Variants in CHL1 observed in about 807,000 individuals in gnomAD.
CHL1 encodes the protein cell adhesion molecule L1 like.
CHL1 carries 96 observed loss-of-function variants against 141.9 expected under a neutral mutation model. The observed-to-expected ratio is 0.68, with a 90% CI of 0.57 to 0.80. CHL1 has a LOEUF of 0.80. CHL1 is among the 30% of genes least tolerant of loss of function. The probability of loss-of-function intolerance (pLI) is 0.00; values close to 1 mark genes in which losing one functional copy is unlikely to be tolerated. For missense variants in CHL1, 1,820 were observed against 1,457.2 expected, an observed-to-expected ratio of 1.25 and a Z score of -4.05; for synonymous variants, 613 against 502.2, an observed-to-expected ratio of 1.22 and a Z score of -2.95.
chr3:335,042 C>G (rs1321827514), intron 5 of CHL1, among the ~76,000 whole-genome samples: 3 of 152,134 alleles, frequency 2.0e-5, no homozygotes, highest in Non-Finnish European at 4.4e-5. Context: ...TTAATGAAAA[C>G]TAATTAGAAA....
chr3:371,050 G>T (rs959820359), intron 15 of CHL1, among the ~76,000 whole-genome samples: 7 of 152,132 alleles, frequency 4.6e-5, no homozygotes, highest in Admixed American at 4.6e-4. Flanking sequence ...GAATAAGGGT[G>T]ATGTGGTGCT....
In CHL1 at chr3:405,560, A is replaced by C. The variant is rs770545745; in HGVS notation, c.3524A>C (p.Glu1175Ala). 2.5e-6 allele frequency: 4 copies of C among 1,613,394 alleles called. No homozygotes were observed. ...CTTAATAGGGATATGCAGCCTACTG[A>C]AAGTGCTGACAGCTTAGTCGAATAC... ...RSLNRDMQPT[E>A]SADSLVEYGE... The change falls in exon 28 of 28, where the codon GAA (glutamate) becomes GCA (alanine). Residue 1175 changes from glutamate to alanine, a missense_variant. Physicochemically the swap from Glu to Ala is moderately radical, Grantham distance 107 (BLOSUM62 -1). Coordinates refer to ENST00000256509, the MANE Select transcript of CHL1 (RefSeq NM_006614.4).
At position 341,958 on chromosome 3, in the gene CHL1, G is replaced by T. The variant is rs1702376753; in HGVS notation, c.555G>T (p.Lys185Asn). The change falls in exon 7 of 28, where the codon AAG becomes AAT. Residue 185 changes from lysine (K) to asparagine (N), a missense_variant. By Grantham distance (94) the Lys-to-Asn change is moderately conservative (BLOSUM62 0). Coordinates refer to ENST00000256509, the MANE Select transcript of CHL1 (RefSeq NM_006614.4). Reference sequence around the variant, plus strand: ...ATGAAAGAGTATACATGAGCCAAAAGGGAGATCTATACTTCGCAAACGTGG... The same window carrying T: ...ATGAAAGAGTATACATGAGCCAAAATGGAGATCTATACTTCGCAAACGTGG... Reference protein sequence around the residue: ...EQDERVYMSQKGDLYFANVEE... With the variant: ...EQDERVYMSQNGDLYFANVEE... The T allele has an allele frequency of 6.2e-7, 1 of 1,612,976 alleles. No homozygotes were observed. Among genetic ancestry groups the T allele is most frequent in the Admixed American group, 1.7e-5 (1 of 59,920 alleles).
intron 2 of CHL1, among the ~76,000 whole-genome samples, chr3:260,495 T>C (rs1694617955): frequency 6.6e-6 from 1 of 152,148 alleles, no homozygotes. Context: ...ATTCAAACCT[T>C]GTTTCGACTA....
intron 1 of CHL1, among the ~76,000 whole-genome samples, chr3:241,330 G>T (rs182971964): frequency 8.5e-5 from 13 of 152,266 alleles, no homozygotes; most frequent in Admixed American, 5.9e-4. Flanking sequence ...CTCTTGCTGA[G>T]CATCTAATGA....
intron 2 of CHL1, among the ~76,000 whole-genome samples, chr3:270,234 C>CAA (rs35868098): frequency 2.0e-5 from 3 of 151,552 alleles, no homozygotes; most frequent in Non-Finnish European, 4.4e-5. Context: ...GAGAATTTGG[C>CAA]AAAAAATAGT....
intron 5 of CHL1, among the ~76,000 whole-genome samples, chr3:331,863 G>GTAAC (rs1327883911): frequency 6.6e-6 from 1 of 152,116 alleles, no homozygotes; most frequent in Non-Finnish European, 1.5e-5. Flanking sequence ...CAGACCTATT[G>GTAAC]TAACCCTAGT....
chr3:310,431 G>A (rs1699663012), intron 2 of CHL1, among the ~76,000 whole-genome samples: 1 of 152,128 alleles, frequency 6.6e-6, no homozygotes, highest in Non-Finnish European at 1.5e-5. Flanking sequence ...AGGTGGGAGT[G>A]AGTGATGAAA....
intron 18 of CHL1, among the ~76,000 whole-genome samples, chr3:383,127 G>A (rs558013415): frequency 6.6e-6 from 1 of 152,248 alleles, no homozygotes; most frequent in African/African-American, 2.4e-5. Context: ...GATCATCAAT[G>A]TGGTCATAGC....
rs1444099019 is a variant in CHL1 at position 391,576 on chromosome 3, T to A, written c.2792-99T>A. 3 of 759,514 alleles carry A rather than the reference T, an allele frequency of 3.9e-6. No homozygotes were observed. In the African/African-American group the frequency reaches 5.4e-5, roughly 14 times the overall value. 47.0% of individuals were successfully genotyped at this position (759,514 alleles called of 1,614,324 possible). Reference sequence around the variant, plus strand: ...GTAGTTAATTAATATTTACTTCAGATGAGTTTGCTTGTCAATTTCTATAAA... The same window carrying A: ...GTAGTTAATTAATATTTACTTCAGAAGAGTTTGCTTGTCAATTTCTATAAA... On this transcript the variant is annotated intron_variant, in intron 22 of 27. Transcript: ENST00000256509.
intron 2 of CHL1, chr3:308,627 ATAT>A (rs1287096487): frequency 2.7e-5 from 4 of 149,784 alleles, no homozygotes; most frequent in Admixed American, 1.3e-4. Flanking sequence ...TGTTATAATA[ATAT>A]GCAATGATAT....
At position 293,780 on chromosome 3, in the gene CHL1, C is replaced by G. The variant is rs1270914171; in HGVS notation, c.-94-25903C>G. Among the ~76,000 whole-genome samples the G allele has an allele frequency of 4.0e-5, 6 of 150,848 alleles. No individual in the cohort carries two copies. The East Asian group carries it at 1.2e-3, about 30-fold the overall frequency. ...GTGTGTTAAATTGTGATTCTTAATG[C>G]TATTTTGTGGAAAGGCTGGAGAAGA... On this transcript the variant is annotated intron_variant, in intron 2 of 27. Transcript: ENST00000256509.
intron 1 of CHL1, among the ~76,000 whole-genome samples, chr3:218,868 C>T (rs563389302): frequency 1.3e-4 from 20 of 152,200 alleles, no homozygotes; most frequent in South Asian, 6.2e-4. Context: ...AAAAGTAGGC[C>T]GGGCGCACTG....
intron 1 of CHL1, among the ~76,000 whole-genome samples, chr3:199,010 A>C (rs1479964824): frequency 6.6e-6 from 1 of 152,116 alleles, no homozygotes; most frequent in African/African-American, 2.4e-5. Context: ...TCTTTTGTAA[A>C]TCTTTGTGTT....
chr3:242,440 C>T (rs1692716501), intron 1 of CHL1, among the ~76,000 whole-genome samples: 1 of 135,170 alleles, frequency 7.4e-6, no homozygotes, highest in African/African-American at 2.7e-5. Flanking sequence ...ACTAAAAATA[C>T]AAAAAATTAT....
chr3:322,656 ATATATATATATATAAT>A (rs1700681355), intron 3 of CHL1, among the ~76,000 whole-genome samples: 1 of 140,120 alleles, frequency 7.1e-6, no homozygotes, highest in South Asian at 2.2e-4. Flanking sequence ...ATATATATAT[ATATATATATATATAAT>A]TATATATATA....
intron 1 of CHL1, among the ~76,000 whole-genome samples, chr3:220,706 A>G (rs1484872737): frequency 6.6e-6 from 1 of 152,212 alleles, no homozygotes; most frequent in African/African-American, 2.4e-5. Context: ...AAGACTCACA[A>G]TGAGAAAATG....
intron 24 of CHL1, among the ~76,000 whole-genome samples, chr3:396,257 G>A (rs1469011710): frequency 6.6e-6 from 1 of 152,154 alleles, no homozygotes; most frequent in Non-Finnish European, 1.5e-5. Context: ...AGGTTCTTAT[G>A]TCTGAAGCAT....
intron 1 of CHL1, among the ~76,000 whole-genome samples, chr3:232,665 G>A (rs1203064037): frequency 6.6e-6 from 1 of 151,910 alleles, no homozygotes; most frequent in African/African-American, 2.4e-5. Flanking sequence ...ATTATCATTA[G>A]GTTAGATATT....
Sources: allele counts gnomAD v4.1 joint callset (sites outside exome capture counted in the v4.1 genomes callset), GRCh38; gene constraint gnomAD v4.1.1; transcripts MANE v1.5; gene names NCBI Gene and HGNC (gene_info 2026-07-23, HGNC 2026-07-21).